The following PCLO variants were observed in gnomAD, a reference collection of about 807,000 sequenced individuals.
The protein encoded by PCLO is protein piccolo.
A neutral mutation model predicts 427.5 loss-of-function variants in PCLO; 82 were observed. The observed-to-expected ratio is 0.19, with a 90% CI of 0.16 to 0.23. The LOEUF (loss-of-function observed/expected upper bound fraction) is 0.23, where lower values mean the gene tolerates loss of function less well. Ranked by LOEUF, PCLO falls within the 10% of genes least tolerant of loss-of-function variation. PCLO has a pLI of 1.00. For missense variants in PCLO, 6,239 were observed against 6,115.9 expected (o/e 1.02, Z -0.67); for synonymous variants, 2,357 against 2,155.4 (o/e 1.09, Z -2.59).
chr7:83,091,743 A>C (rs2116441198), intron 3 of PCLO, among the ~76,000 whole-genome samples: 1 of 152,292 alleles, frequency 6.6e-6, no homozygotes, highest in East Asian at 1.9e-4. Context: ...AAATGTGTTT[A>C]AATCATGGAA....
intron 22 of PCLO, among the ~76,000 whole-genome samples, chr7:82,781,665 C>A (rs549577186): frequency 6.6e-6 from 1 of 152,246 alleles, no homozygotes; most frequent in South Asian, 2.1e-4. Flanking sequence ...CAGGGGCAGG[C>A]CTCAGGAAAT....
chr7:82,868,371 A>C (rs1793147935), intron 10 of PCLO, among the ~76,000 whole-genome samples: 1 of 152,122 alleles, frequency 6.6e-6, no homozygotes, highest in African/African-American at 2.4e-5. Context: ...TCTAAAATCA[A>C]AACCACCACT....
chr7:83,115,362 T>G (rs1562970962), intron 3 of PCLO, among the ~76,000 whole-genome samples: 1 of 151,940 alleles, frequency 6.6e-6, no homozygotes, highest in Non-Finnish European at 1.5e-5. Context: ...CAAGGTAAAC[T>G]AAAACTGGGT....
At chr7:82,834,452 C>T (rs1792175114) in intron 16 of PCLO, among the ~76,000 whole-genome samples, 1 of 152,068 alleles carries the variant, frequency 6.6e-6, no homozygotes, top group Non-Finnish European at 1.5e-5. Flanking sequence ...GGTAACAAAT[C>T]CTATTGTTTG....
intron 1 of PCLO, among the ~76,000 whole-genome samples, chr7:83,157,982 T>C (rs1420296947): frequency 6.6e-6 from 1 of 152,074 alleles, no homozygotes; most frequent in Admixed American, 6.6e-5. Context: ...CCAAATTTCC[T>C]GACATAGAAA....
chr7:82,914,897 T>C lies in PCLO; in HGVS notation c.13089A>G (p.Pro4363=). 6.2e-7 allele frequency: 1 copy of C among 1,613,562 alleles called. No homozygotes were observed. The highest frequency in any genetic ancestry group is 8.5e-7 in the Non-Finnish European group (1 of 1,179,718). The change falls in exon 7 of 25, where the codon CCA becomes CCG. Residue 4363 remains proline, a synonymous_variant. Transcript: ENST00000333891. ...CCATTGGCTGGCCAACAGGACTGAG[T>C]GGGCTTTCTTCTTCAGAATTCTGGG... ...IVAQNSEEES[P]LSPVGQPMGM... is the part of the protein sequence containing the mutation.
intron 6 of PCLO, among the ~76,000 whole-genome samples, chr7:82,934,516 CAT>C (rs1328297027): frequency 6.6e-6 from 1 of 151,786 alleles, no homozygotes; most frequent in South Asian, 2.1e-4. Context: ...AAGATGAAAA[CAT>C]ATGATAATTG....
intron 3 of PCLO, among the ~76,000 whole-genome samples, chr7:83,025,554 C>T (rs1480171002): frequency 6.6e-6 from 1 of 152,134 alleles, no homozygotes; most frequent in Non-Finnish European, 1.5e-5. Context: ...AGGAGAACTT[C>T]CCCAATCTAA....
rs377087987 is a variant in PCLO at position 83,141,699 on chromosome 7, T to C, written c.1894-6043A>G. Among the ~76,000 whole-genome samples, 174 of 152,334 alleles carry C rather than the reference T, an allele frequency of 1.1e-3. 2 individuals are homozygous for C. Among genetic ancestry groups the C allele is most frequent in the African/African-American group, 3.8e-3 (159 of 41,576 alleles). On this transcript the variant is annotated intron_variant, in intron 2 of 24. Transcript: ENST00000333891. ...GTATGAGAGGTGTCAAATATAGTAA[T>C]ACAAGTTCATTGGCTAAAGTCTTTG...
chr7:83,132,783 A>C (rs1382487527), intron 3 of PCLO, among the ~76,000 whole-genome samples: 1 of 152,230 alleles, frequency 6.6e-6, no homozygotes, highest in South Asian at 2.1e-4. Context: ...TGATACTATA[A>C]GGATCCTCCT....
chr7:82,859,980 G>C (rs1271063139), intron 10 of PCLO, among the ~76,000 whole-genome samples: 1 of 152,000 alleles, frequency 6.6e-6, no homozygotes, highest in African/African-American at 2.4e-5. Context: ...TCAAGCAAAA[G>C]AAAGGATTAG....
chr7:82,954,747 A>G lies in PCLO; in HGVS notation c.6206T>C (p.Met2069Thr), dbSNP rs781315297. The change falls in exon 5 of 25, where the codon ATG (methionine) becomes ACG (threonine). Residue 2069 changes from methionine to threonine, a missense_variant. Transcript: ENST00000333891. ...TGTTAATTGCATCTGTTGCCTCTTC[A>G]TAAGTTCTTCATAGGCAGCATCAGC... ...LDADAAYEEL[M>T]KRQQMQLTPG... is the part of the protein sequence containing the mutation. 3.1e-6 allele frequency: 5 copies of G among 1,613,754 alleles called. No homozygotes were observed. The African/African-American group carries it at 4.0e-5, about 13-fold the overall frequency.
intron 9 of PCLO, among the ~76,000 whole-genome samples, chr7:82,886,936 CTT>C (rs1793641117): frequency 6.6e-6 from 1 of 152,090 alleles, no homozygotes; most frequent in South Asian, 2.1e-4. Flanking sequence ...AAACACATGA[CTT>C]TGAACAGATG....
intron 2 of PCLO, among the ~76,000 whole-genome samples, chr7:83,143,007 AC>A (rs770039793): frequency 4.6e-5 from 7 of 152,168 alleles, no homozygotes; most frequent in Non-Finnish European, 7.4e-5. Flanking sequence ...TATGTTGGAT[AC>A]CAAGTAATTT....
At chr7:82,783,437 G>T (rs923418239) in intron 22 of PCLO, among the ~76,000 whole-genome samples, 3 of 152,018 alleles carry the variant, frequency 2.0e-5, no homozygotes, top group African/African-American at 4.8e-5. Flanking sequence ...ACACGGTGAA[G>T]CCCCGTCTCC....
At chr7:83,001,011 CTTTCT>C (rs1158227809) in intron 3 of PCLO, among the ~76,000 whole-genome samples, 1 of 151,882 alleles carries the variant, frequency 6.6e-6, no homozygotes, top group African/African-American at 2.4e-5. Context: ...AAGTGTACTA[CTTTCT>C]TTTGAGATTT....
At chr7:82,839,878 T>C (rs1792323672) in intron 14 of PCLO, among the ~76,000 whole-genome samples, 1 of 152,006 alleles carries the variant, frequency 6.6e-6, no homozygotes. Flanking sequence ...AAGATTTCAT[T>C]TGAAATGAGC....
intron 3 of PCLO, among the ~76,000 whole-genome samples, chr7:83,084,024 T>C (rs572705249): frequency 6.6e-6 from 1 of 152,246 alleles, no homozygotes; most frequent in East Asian, 1.9e-4. Flanking sequence ...AGAGGAAAGA[T>C]GAAGATGAAG....
intron 4 of PCLO, among the ~76,000 whole-genome samples, chr7:82,964,976 T>C (rs1247808045): frequency 6.6e-6 from 1 of 152,188 alleles, no homozygotes; most frequent in African/African-American, 2.4e-5. Context: ...ATTGCTGTCC[T>C]CTGTGAATTA....
Sources: allele counts gnomAD v4.1 joint callset (sites outside exome capture counted in the v4.1 genomes callset), GRCh38; gene constraint gnomAD v4.1.1; transcripts MANE v1.5; gene names NCBI Gene and HGNC (gene_info 2026-07-23, HGNC 2026-07-21).